MAD1L1: variants seen among roughly 807,000 people sequenced by gnomAD.
MAD1L1 encodes mitotic arrest deficient 1 like 1, also known as mitotic spindle assembly checkpoint protein MAD1.
A neutral mutation model predicts 96.9 loss-of-function variants in MAD1L1; 95 were observed. The ratio of observed to expected loss-of-function variants is 0.98; its 90% confidence interval spans 0.83 to 1.16. The LOEUF (loss-of-function observed/expected upper bound fraction) is 1.16, where lower values mean the gene tolerates loss of function less well. MAD1L1 is among the 50% of genes most tolerant of loss of function. MAD1L1 has a pLI of 0.00. For missense variants in MAD1L1, 1,007 were observed against 954.4 expected (o/e 1.06, Z -0.73); for synonymous variants, 473 against 396.6 (o/e 1.19, Z -2.29).
intron 11 of MAD1L1, among the ~76,000 whole-genome samples, chr7:2,102,178 TCAC>T (rs1288489920): frequency 4.1e-5 from 6 of 147,228 alleles, no homozygotes; most frequent in African/African-American, 9.8e-5. Flanking sequence ...ACTGCCACTG[TCAC>T]CACAACCACC....
At chr7:1,913,751 G>A (rs1463284660) in intron 17 of MAD1L1, among the ~76,000 whole-genome samples, 3 of 152,164 alleles carry the variant, frequency 2.0e-5, no homozygotes, top group Non-Finnish European at 4.4e-5. Flanking sequence ...CGGGGACACA[G>A]CAGAGCCACT....
At chr7:1,838,085 G>T (rs557948929) in intron 18 of MAD1L1, among the ~76,000 whole-genome samples, 1 of 152,354 alleles carries the variant, frequency 6.6e-6, no homozygotes, top group East Asian at 1.9e-4. Context: ...CTAACCCCGT[G>T]CAGGGGCTGC....
At chr7:1,843,806 AC>A (rs1457811781) in intron 18 of MAD1L1, among the ~76,000 whole-genome samples, 1 of 152,102 alleles carries the variant, frequency 6.6e-6, no homozygotes, top group South Asian at 2.1e-4. Flanking sequence ...TTCACCTCCT[AC>A]CCAGACAGCG....
intron 16 of MAD1L1, among the ~76,000 whole-genome samples, chr7:1,939,915 G>T (rs796756105): frequency 2.6e-5 from 4 of 152,368 alleles, no homozygotes; most frequent in African/African-American, 9.6e-5. Context: ...CCAGAGCCCA[G>T]AATGTGCCTC....
intron 18 of MAD1L1, among the ~76,000 whole-genome samples, chr7:1,832,881 C>T (rs1782777575): frequency 6.6e-6 from 1 of 152,106 alleles, no homozygotes; most frequent in Non-Finnish European, 1.5e-5. Context: ...ATCCACTTGC[C>T]TCAGCCTCCC....
Position 2,115,222 on chromosome 7 carries a change from G to A in MAD1L1, c.1073+33930C>T, listed in dbSNP as rs1409772305. Among the ~76,000 whole-genome samples, 4 of 151,998 alleles carry A rather than the reference G, an allele frequency of 2.6e-5. 1 individual carries two copies. The highest frequency in any genetic ancestry group is 4.2e-4 in the South Asian group (2 of 4,816). On this transcript the variant is annotated intron_variant, in intron 11 of 18. Transcript: ENST00000265854. Reference sequence around the variant, plus strand: ...CCCAGCAATTCCCGCATGTTCCGGGGTCAGAGGAGGCGCTGGACAGGGTCC... The same window carrying A: ...CCCAGCAATTCCCGCATGTTCCGGGATCAGAGGAGGCGCTGGACAGGGTCC...
intron 18 of MAD1L1, among the ~76,000 whole-genome samples, chr7:1,820,200 G>T (rs1166349288): frequency 6.6e-6 from 1 of 152,044 alleles, no homozygotes; most frequent in Non-Finnish European, 1.5e-5. Context: ...AGTCAAATGG[G>T]ATGCCTCGAA....
At chr7:1,866,916 G>T (rs1327136107) in intron 18 of MAD1L1, among the ~76,000 whole-genome samples, 1 of 152,180 alleles carries the variant, frequency 6.6e-6, no homozygotes, top group African/African-American at 2.4e-5. Context: ...GTGCTGGCCT[G>T]CTCTCCATGC....
intron 18 of MAD1L1, 154 bp downstream of exon 18, chr7:1,898,046 C>T (rs765037545): frequency 6.6e-5 from 52 of 783,350 alleles, no homozygotes; most frequent in Non-Finnish European, 1.0e-4. Context: ...CAGGGGGTGA[C>T]GAGGACGGGC....
chr7:2,171,196 G>A (rs375689647), intron 10 of MAD1L1, among the ~76,000 whole-genome samples: 5 of 152,226 alleles, frequency 3.3e-5, no homozygotes, highest in Non-Finnish European at 5.9e-5. Flanking sequence ...CCTGCGTATC[G>A]TGCCAGCAGA....
chr7:2,029,626 A>G (rs1174716110), intron 12 of MAD1L1, among the ~76,000 whole-genome samples: 2 of 152,088 alleles, frequency 1.3e-5, no homozygotes, highest in Non-Finnish European at 2.9e-5. Context: ...CTGTGGTTGT[A>G]AGTCCCATTT....
At chr7:1,902,542 AACCTTTTAAAGGT>A (rs1185353077) in intron 17 of MAD1L1, among the ~76,000 whole-genome samples, 1 of 152,238 alleles carries the variant, frequency 6.6e-6, no homozygotes. Context: ...GCAAGCAGAG[AACCTTTTAAAGGT>A]ACCGACGGAT....
chr7:2,083,046 G>A (rs1014513000), intron 11 of MAD1L1, among the ~76,000 whole-genome samples: 2 of 152,348 alleles, frequency 1.3e-5, no homozygotes, highest in Admixed American at 1.3e-4. Context: ...CCAGGGGGAA[G>A]AGCCGTCCCT....
intron 17 of MAD1L1, among the ~76,000 whole-genome samples, chr7:1,934,318 G>A (rs1028082479): frequency 6.6e-6 from 1 of 152,168 alleles, no homozygotes; most frequent in African/African-American, 2.4e-5. Flanking sequence ...ACAGCCAGAT[G>A]CCGACCACCC....
At chr7:2,216,992 A>G (rs10229811) in intron 7 of MAD1L1, among the ~76,000 whole-genome samples, 12,423 of 151,888 alleles carry the variant, frequency 0.082, 1,749 homozygotes, top group African/African-American at 0.28. Context: ...TGGCATTCAC[A>G]CTGCACACTG....
chr7:1,837,352 G>A (rs1326745673), intron 18 of MAD1L1, among the ~76,000 whole-genome samples: 1 of 152,238 alleles, frequency 6.6e-6, no homozygotes, highest in African/African-American at 2.4e-5. Flanking sequence ...CTATACTGCT[G>A]ATAGGAATGG....
intron 11 of MAD1L1, among the ~76,000 whole-genome samples, chr7:2,082,047 A>G (rs1785679891): frequency 6.6e-6 from 1 of 152,210 alleles, no homozygotes; most frequent in Non-Finnish European, 1.5e-5. Context: ...TGAAGTGACA[A>G]GAAGAGATGT....
chr7:2,085,470 T>A (rs1785868257), intron 11 of MAD1L1, among the ~76,000 whole-genome samples: 2 of 152,208 alleles, frequency 1.3e-5, no homozygotes, highest in Admixed American at 1.3e-4. Flanking sequence ...GCCACTCTGA[T>A]ATTTCTGCCC....
At chr7:1,824,334 T>TG (rs1243145762) in intron 18 of MAD1L1, among the ~76,000 whole-genome samples, 2 of 136,890 alleles carry the variant, frequency 1.5e-5, no homozygotes, top group Non-Finnish European at 3.3e-5. Context: ...TGCGTGACCC[T>TG]GGGCACACCG....
Sources: gnomAD v4.1 joint callset for allele counts (sites outside exome capture counted in the v4.1 genomes callset) on GRCh38, gnomAD v4.1.1 for gene constraint, MANE v1.5 for transcripts, NCBI Gene and HGNC (gene_info 2026-07-23, HGNC 2026-07-21) for gene names.